FOCAD: variants seen among roughly 807,000 people sequenced by gnomAD.
The protein encoded by FOCAD is focadhesin, also known as KIAA1797.
Under a neutral mutation model 225.6 loss-of-function variants are expected in FOCAD, and 198 were observed. The observed-to-expected ratio is 0.88, with a 90% CI of 0.78 to 0.99. The LOEUF (loss-of-function observed/expected upper bound fraction) is 0.99, where lower values mean the gene tolerates loss of function less well. FOCAD is among the 50% of genes least tolerant of loss of function. The pLI is 0.00. For missense variants in FOCAD, 2,713 were observed against 2,123.6 expected (o/e 1.28, Z -5.46); for synonymous variants, 897 against 755.0 (o/e 1.19, Z -3.08).
Position 20,988,389 on chromosome 9 carries a change from C to CT in FOCAD, c.4966dup (p.Tyr1656LeufsTer12). 1 of 1,611,002 alleles carries CT rather than the reference C, an allele frequency of 6.2e-7. No individual in the cohort carries two copies. The highest frequency in any genetic ancestry group is 8.5e-7 in the Non-Finnish European group (1 of 1,178,020). On this transcript the variant is annotated frameshift_variant, in exon 41 of 44. Coordinates refer to ENST00000338382, the MANE Select transcript of FOCAD (RefSeq NM_001375567.1). LOFTEE classifies it high-confidence loss of function. ...CTGATGGGTTATATTAGAAATGTTG[C>CT]TTACCAGTCAACATCCTTTCACAAT...
chr9:20,937,350 A>C (rs1308935578), intron 28 of FOCAD, among the ~76,000 whole-genome samples: 1 of 152,218 alleles, frequency 6.6e-6, no homozygotes, highest in Middle Eastern at 3.4e-3. Flanking sequence ...TACAGTAACC[A>C]AAACAGCATG....
intron 26 of FOCAD, 110 bp from the exon 27 acceptor site, chr9:20,929,248 G>A (rs556948600): frequency 1.3e-5 from 10 of 767,030 alleles, no homozygotes; most frequent in African/African-American, 8.7e-5. Flanking sequence ...TTTGGGTGTC[G>A]GCCGGGGTGG....
At chr9:20,780,662 A>G (rs1381304857) in intron 9 of FOCAD, among the ~76,000 whole-genome samples, 2 of 152,148 alleles carry the variant, frequency 1.3e-5, no homozygotes, top group Non-Finnish European at 2.9e-5. Flanking sequence ...ATATTACACT[A>G]TGTAGTTGTT....
chr9:20,929,657 A>G, intron 27 of FOCAD, 61 bp downstream of exon 27: 1 of 1,326,032 alleles, frequency 7.5e-7, no homozygotes, highest in East Asian at 2.3e-5. Flanking sequence ...AGGATTTTGC[A>G]CCCATATGCA....
intron 21 of FOCAD, among the ~76,000 whole-genome samples, chr9:20,905,182 C>T (rs1832856604): frequency 6.6e-6 from 1 of 151,970 alleles, no homozygotes; most frequent in Admixed American, 6.6e-5. Context: ...TTCAGGCTGG[C>T]TTCTAGGCTG....
Position 20,753,176 on chromosome 9 carries a change from G to T in FOCAD, c.393-4914G>T, listed in dbSNP as rs536012501. On this transcript the variant is annotated intron_variant, in intron 5 of 43. Transcript: ENST00000338382. ...TTCCTCCTCCTGCCTAATTGCCCTGGCCAGAACTTCCAACACTATGTTGAA... is the reference window on the plus strand; with the variant it reads ...TTCCTCCTCCTGCCTAATTGCCCTGTCCAGAACTTCCAACACTATGTTGAA... 4.1e-4 allele frequency among the ~76,000 whole-genome samples: 62 copies of T among 152,060 alleles called. No homozygotes were observed. The South Asian group carries it at 0.012, about 30-fold the overall frequency.
In FOCAD at chr9:20,789,626, T is replaced by C. The variant is rs781192298; in HGVS notation, c.1455+18T>C. The stretch of plus-strand genomic sequence containing the variant: ...CCTCCCAGGTAAAGCAAGAGAATAA[T>C]GGAACAATAATGAGAGGAAAGCTTA... On this transcript the variant is annotated intron_variant, in intron 11 of 43. Coordinates refer to ENST00000338382, the MANE Select transcript of FOCAD (RefSeq NM_001375567.1). The C allele has an allele frequency of 6.2e-7, 1 of 1,612,800 alleles. No homozygotes were observed. The highest frequency in any genetic ancestry group is 1.1e-5 in the South Asian group (1 of 91,054).
chr9:20,899,852 C>A (rs1304209085), intron 21 of FOCAD, among the ~76,000 whole-genome samples: 1 of 151,542 alleles, frequency 6.6e-6, no homozygotes, highest in Admixed American at 6.6e-5. Context: ...AATCATAGAC[C>A]CAAGTTTGAT....
At chr9:20,792,048 T>C (rs2131200734) in intron 11 of FOCAD, among the ~76,000 whole-genome samples, 1 of 152,296 alleles carries the variant, frequency 6.6e-6, no homozygotes, top group East Asian at 1.9e-4. Flanking sequence ...TCTGGCCACC[T>C]GGTATGTAGA....
intron 35 of FOCAD, among the ~76,000 whole-genome samples, chr9:20,962,640 C>T (rs930820791): frequency 6.6e-6 from 1 of 152,110 alleles, no homozygotes; most frequent in African/African-American, 2.4e-5. Flanking sequence ...AGATCTGATC[C>T]TCTGTGTAGC....
chr9:20,726,253 TAACTGTGCTGG>T (rs1826186077), intron 4 of FOCAD: 1 of 152,206 alleles, frequency 6.6e-6, no homozygotes, highest in African/African-American at 2.4e-5. Context: ...TTTTTCCCCT[TAACTGTGCTGG>T]CTTCTAGAAG....
chr9:20,982,531 A>C, intron 39 of FOCAD, 85 bp downstream of exon 39: 2 of 1,096,716 alleles, frequency 1.8e-6, no homozygotes, highest in Non-Finnish European at 2.7e-6. Context: ...TGGCTGAAGC[A>C]AGTTTTGCTT....
At chr9:20,787,989 A>C (rs1820105570) in intron 10 of FOCAD, among the ~76,000 whole-genome samples, 1 of 152,216 alleles carries the variant, frequency 6.6e-6, no homozygotes, top group Non-Finnish European at 1.5e-5. Context: ...AGAAAACTGA[A>C]CACTTATAAC....
intron 7 of FOCAD, among the ~76,000 whole-genome samples, chr9:20,766,798 A>C (rs1057293494): frequency 6.6e-6 from 1 of 151,966 alleles, no homozygotes; most frequent in African/African-American, 2.4e-5. Context: ...TGATCATCTT[A>C]GAGATGACTA....
chr9:20,960,937 G>A (rs1405573825), intron 35 of FOCAD, among the ~76,000 whole-genome samples: 1 of 151,962 alleles, frequency 6.6e-6, no homozygotes, highest in Non-Finnish European at 1.5e-5. Context: ...CCTTTTTTAT[G>A]GCTGCATAGT....
chr9:20,963,165 G>A (rs1049941988), intron 35 of FOCAD, among the ~76,000 whole-genome samples: 2 of 152,132 alleles, frequency 1.3e-5, no homozygotes, highest in Non-Finnish European at 1.5e-5. Flanking sequence ...ACTCAATACT[G>A]ATTCTTTGCC....
intron 15 of FOCAD, among the ~76,000 whole-genome samples, chr9:20,860,793 G>C (rs1039025645): frequency 1.3e-5 from 2 of 152,192 alleles, no homozygotes; most frequent in African/African-American, 4.8e-5. Context: ...TTACAGGCGT[G>C]AGCCACCACG....
intron 11 of FOCAD, among the ~76,000 whole-genome samples, chr9:20,800,137 G>A (rs62557558): frequency 6.6e-6 from 1 of 151,896 alleles, no homozygotes; most frequent in East Asian, 1.9e-4. Flanking sequence ...GAAATTCTGG[G>A]TTCAAAATTC....
intron 1 of FOCAD, among the ~76,000 whole-genome samples, chr9:20,708,119 C>G (rs1824541514): frequency 6.6e-6 from 1 of 152,110 alleles, no homozygotes; most frequent in African/African-American, 2.4e-5. Context: ...AGAATCCACC[C>G]TTGAGCCATA....
Sources: gnomAD v4.1 joint callset for allele counts (sites outside exome capture counted in the v4.1 genomes callset) on GRCh38, gnomAD v4.1.1 for gene constraint, MANE v1.5 for transcripts, NCBI Gene and HGNC (gene_info 2026-07-23, HGNC 2026-07-21) for gene names.